The following SAMD4B variants were observed in gnomAD, a reference collection of about 807,000 sequenced individuals.
SAMD4B encodes the protein sterile alpha motif domain containing 4B.
In SAMD4B, 5 loss-of-function variants were observed where a neutral mutation model predicts 74.5. The observed-to-expected ratio is 0.07, with a 90% CI of 0.04 to 0.14. The LOEUF (loss-of-function observed/expected upper bound fraction) is 0.14, where lower values mean the gene tolerates loss of function less well. Among genes scored for constraint, SAMD4B ranks in the 10% least tolerant of loss-of-function variants. SAMD4B has a pLI of 1.00. For synonymous variants in SAMD4B, 373 were observed against 374.9 expected (o/e 1.00, Z 0.06); for missense variants, 608 against 921.8 (o/e 0.66, Z 4.41).
intron 12 of SAMD4B, chr19:39,381,340 A>C: frequency 4.0e-6 from 2 of 499,720 alleles, no homozygotes; most frequent in Non-Finnish European, 7.1e-6. Flanking sequence ...ATCATCTCTC[A>C]CCCCTTACTC....
intron 12 of SAMD4B, among the ~76,000 whole-genome samples, chr19:39,381,494 G>C (rs2077983725): frequency 6.6e-6 from 1 of 152,178 alleles, no homozygotes; most frequent in African/African-American, 2.4e-5. Flanking sequence ...TGAGATTTCT[G>C]TGGAGGGGAG....
rs762420588 is a variant in SAMD4B at position 39,378,635 on chromosome 19, G to T, written c.1530+46G>T. On this transcript the variant is annotated intron_variant, in intron 9 of 13. Transcript: ENST00000610417. This position sits in a 1 kb window ranked among gnomAD's most constrained non-coding sequence, Gnocchi z 4.4. ...CTCAAAAAGGGAAAGGCGGCCAGGC[G>T]TGGTGGTTCACGCCTGTAGTCCCAG... is the stretch of plus-strand genomic sequence containing the variant. 1 of 1,569,508 alleles carries T rather than the reference G, an allele frequency of 6.4e-7. No individual in the cohort carries two copies. Among genetic ancestry groups the T allele is most frequent in the Non-Finnish European group, 8.8e-7 (1 of 1,141,318 alleles).
chr19:39,388,627 C>T, downstream of SAMD4B: 2 of 1,614,170 alleles, frequency 1.2e-6, no homozygotes, highest in Non-Finnish European at 1.7e-6. Context: ...GTCTCTTCTA[C>T]AGGCAGGAAA....
chr19:39,388,360 T>C (rs780961931), downstream of SAMD4B: 1 of 1,614,020 alleles, frequency 6.2e-7, no homozygotes, highest in South Asian at 1.1e-5. Flanking sequence ...CTCATTGTAG[T>C]AAACCCCGTC....
chr19:39,390,270 G>C (rs1281866998), downstream of SAMD4B: 3 of 1,613,486 alleles, frequency 1.9e-6, no homozygotes, highest in Admixed American at 3.3e-5. Context: ...CTCTCAGGCA[G>C]AGTCCGGTGG....
chr19:39,356,892 C>A lies in SAMD4B; in HGVS notation c.-2C>A. The stretch of plus-strand genomic sequence containing the variant: ...CCCGACCCTGGCCCCAGGCCCGGCA[C>A]CATGATGTTCCGAGACCAGGTGGGC... On this transcript the variant is annotated 5_prime_UTR_variant, in exon 3 of 14. Transcript: ENST00000610417. 6.2e-7 allele frequency: 1 copy of A among 1,604,418 alleles called. No individual in the cohort carries two copies. The highest frequency in any genetic ancestry group is 1.1e-5 in the South Asian group (1 of 90,598).
rs1257200457 is a variant in SAMD4B at position 39,378,352 on chromosome 19, T to A, written c.1445-152T>A. On this transcript the variant is annotated intron_variant, in intron 8 of 13. Transcript: ENST00000610417. This position sits in a 1 kb window ranked among gnomAD's most constrained non-coding sequence, Gnocchi z 4.4. ...TCAGGCACTATGTTGTATATCCTCA[T>A]GATAACCCAAATACCATGGCTAGCA... is the stretch of plus-strand genomic sequence containing the variant. 1 of 641,238 alleles carries A rather than the reference T, an allele frequency of 1.6e-6. No individual in the cohort carries two copies. Among genetic ancestry groups the A allele is most frequent in the African/African-American group, 1.8e-5 (1 of 54,798 alleles). The allele number at this position is 641,238 out of a possible 1,614,324, so 39.7% of individuals were successfully genotyped here.
intron 12 of SAMD4B, among the ~76,000 whole-genome samples, chr19:39,382,397 G>A (rs2145884435): frequency 6.6e-6 from 1 of 152,290 alleles, no homozygotes; most frequent in Non-Finnish European, 1.5e-5. Flanking sequence ...TTATTCATCA[G>A]TCAGCAATCT....
intron 3 of SAMD4B, among the ~76,000 whole-genome samples, chr19:39,365,004 C>T (rs1287227704): frequency 6.6e-6 from 1 of 152,032 alleles, no homozygotes; most frequent in Non-Finnish European, 1.5e-5. Context: ...CTTTGGGAGG[C>T]TGAGGCAAGT....
downstream of SAMD4B, chr19:39,386,936 A>T (rs1308964856): frequency 1.5e-6 from 1 of 656,520 alleles, no homozygotes; most frequent in East Asian, 2.7e-5. This position sits in a 1 kb window ranked among gnomAD's most constrained non-coding sequence, Gnocchi z 6.1. Flanking sequence ...ATAAATACAG[A>T]TTGAATAAGG....
Position 39,376,556 on chromosome 19 carries a change from A to T in SAMD4B, c.1017+10A>T. Reference sequence around the variant, plus strand: ...GCACCTGGAGTCTCAGGTGAAGCCAAGGGGACCATCAGGGAGGTGCTGGGG... The same window carrying T: ...GCACCTGGAGTCTCAGGTGAAGCCATGGGGACCATCAGGGAGGTGCTGGGG... On this transcript the variant is annotated intron_variant, in intron 6 of 13. Coordinates refer to ENST00000610417, the MANE Select transcript of SAMD4B (RefSeq NM_001384574.2). 1 of 1,610,202 alleles carries T rather than the reference A, an allele frequency of 6.2e-7. No individual in the cohort carries two copies. The highest frequency in any genetic ancestry group is 2.2e-5 in the East Asian group (1 of 44,876).
At chr19:39,352,976 C>T (rs575671333) in intron 1 of SAMD4B, among the ~76,000 whole-genome samples, 1 of 152,300 alleles carries the variant, frequency 6.6e-6, no homozygotes, top group African/African-American at 2.4e-5. Flanking sequence ...GAATCCCTCC[C>T]ACTCCCGAGG....
rs142079574 is a variant in SAMD4B at position 39,375,774 on chromosome 19, G to A, written c.792G>A (p.Thr264=). Residue 264 remains threonine, a synonymous_variant, in exon 5 of 14, where the codon ACG becomes ACA. Coordinates refer to ENST00000610417, the MANE Select transcript of SAMD4B (RefSeq NM_001384574.2). This position sits in a 1 kb window ranked among gnomAD's most constrained non-coding sequence, Gnocchi z 4.1. ...EELGARAAFT[T]PDHAPLSPQS... ...TTGGGGCCCGGGCTGCTTTTACCAC[G>A]CCCGATCACGCACCTCTCTCGCCCC... The A allele has an allele frequency of 1.6e-4, 257 of 1,614,098 alleles. No homozygotes were observed. Among genetic ancestry groups the A allele is most frequent in the Admixed American group, 2.5e-4 (15 of 60,016 alleles).
rs2078142373 is a variant in SAMD4B, at chr19:39,383,683, TG to T, written c.*158del. The T allele has an allele frequency of 6.4e-7, 1 of 1,553,662 alleles. No homozygotes were observed. Among genetic ancestry groups the T allele is most frequent in the Non-Finnish European group, 8.7e-7 (1 of 1,154,430 alleles). ...TACCCTCTTAACTTTTGTTTAACAT[TG>T]GCACATGCCTTGCTCACTCCCAGGC... On this transcript the variant is annotated 3_prime_UTR_variant, in exon 14 of 14. Coordinates refer to ENST00000610417, the MANE Select transcript of SAMD4B (RefSeq NM_001384574.2). This position sits in a 1 kb window ranked among gnomAD's most constrained non-coding sequence, Gnocchi z 4.1.
rs182577177 is a variant in SAMD4B, at chr19:39,371,766, G to A, written c.667+1641G>A. Reference sequence around the variant, plus strand: ...CAGGAGGTGGAGGTGGCAGTGAGCCGAGATCTTGCCATTGCATTCCAGCCA... The same window carrying A: ...CAGGAGGTGGAGGTGGCAGTGAGCCAAGATCTTGCCATTGCATTCCAGCCA... On this transcript the variant is annotated intron_variant, in intron 4 of 13. Transcript: ENST00000610417. Among the ~76,000 whole-genome samples, 54 of 151,382 alleles carry A rather than the reference G, an allele frequency of 3.6e-4. No individual in the cohort carries two copies. In the East Asian group the frequency reaches 7.4e-3, roughly 21 times the overall value.
chr19:39,389,632 C>T (rs1312800794), downstream of SAMD4B: 1 of 1,614,210 alleles, frequency 6.2e-7, no homozygotes, highest in South Asian at 1.1e-5. The surrounding 1 kb of genome is among the most constrained non-coding windows in gnomAD (Gnocchi z 5.3). Context: ...CCCTGTCTCC[C>T]CACACACCAT....
Position 39,383,320 on chromosome 19 carries a change from C to G in SAMD4B, c.2056+29C>G. Reference sequence around the variant, plus strand: ...AGCATTTCCTCTTTCCCTGACCCAGCTCCCACCTACCCAGCGTCTCTGCCT... The same window carrying G: ...AGCATTTCCTCTTTCCCTGACCCAGGTCCCACCTACCCAGCGTCTCTGCCT... On this transcript the variant is annotated intron_variant, in intron 13 of 13. Coordinates refer to ENST00000610417, the MANE Select transcript of SAMD4B (RefSeq NM_001384574.2). This position sits in a 1 kb window ranked among gnomAD's most constrained non-coding sequence, Gnocchi z 4.1. 6.2e-7 allele frequency: 1 copy of G among 1,608,266 alleles called. No individual in the cohort carries two copies.
chr19:39,349,310 AGAAGG>A (rs1205777495), intron 1 of SAMD4B, among the ~76,000 whole-genome samples: 9 of 152,208 alleles, frequency 5.9e-5, no homozygotes, highest in African/African-American at 2.2e-4. Flanking sequence ...ACAAGTGTAA[AGAAGG>A]GAAAGGAAGC....
At position 39,385,361 on chromosome 19, in the gene SAMD4B, A is replaced by G. The variant is rs940012464; in HGVS notation, c.*1834A>G. 1.5e-5 allele frequency: 6 copies of G among 402,388 alleles called. No homozygotes were observed. Among genetic ancestry groups the G allele is most frequent in the African/African-American group, 1.0e-4 (5 of 48,514 alleles). 24.9% of individuals were successfully genotyped at this position (402,388 alleles called of 1,614,324 possible). ...GTTCACTCTCCATCAGGGTGAGCTG[A>G]CTGTGCCTGGCACTGGGAGGTGGTG... On this transcript the variant is annotated 3_prime_UTR_variant, in exon 14 of 14. Coordinates refer to ENST00000610417, the MANE Select transcript of SAMD4B (RefSeq NM_001384574.2).
Sources: gnomAD v4.1 joint callset for allele counts (sites outside exome capture counted in the v4.1 genomes callset) on GRCh38, gnomAD v4.1.1 for gene constraint, Gnocchi (gnomAD v3.1) non-coding constraint, MANE v1.5 for transcripts, NCBI Gene and HGNC (gene_info 2026-07-23, HGNC 2026-07-21) for gene names.